FKTN: variants seen among roughly 807,000 people sequenced by gnomAD.
The protein encoded by FKTN is fukutin, also known as ribitol-5-phosphate transferase FKTN.
FKTN carries 47 observed loss-of-function variants against 58.6 expected under a neutral mutation model. That is an observed-to-expected ratio of 0.80 (90% CI 0.63 to 1.02). The LOEUF (loss-of-function observed/expected upper bound fraction) is 1.02. FKTN is among the 50% of genes least tolerant of loss of function. The pLI, the probability that FKTN is intolerant of heterozygous loss-of-function variation, is 0.00. For missense variants in FKTN, 516 were observed against 537.3 expected (o/e 0.96, Z 0.39); for synonymous variants, 178 against 191.9 (o/e 0.93, Z 0.60).
rs1192681498 is a variant in FKTN, at chr9:105,558,148, A to G, written c.-198A>G. 1 of 152,124 alleles carries G rather than the reference A, an allele frequency of 6.6e-6. No homozygotes were observed. Among genetic ancestry groups the G allele is most frequent in the African/African-American group, 2.4e-5 (1 of 41,302 alleles). 9.4% of individuals were successfully genotyped at this position (152,124 alleles called of 1,614,324 possible). The stretch of plus-strand genomic sequence containing the variant: ...GAGTGCCGTAAAGCGGAGCGGCTGC[A>G]GCCTGCTGTTGAGTGAGGTAAGGTA... On this transcript the variant is annotated 5_prime_UTR_variant, in exon 1 of 11. Transcript: ENST00000357998.
Position 105,635,341 on chromosome 9 carries a change from GT to G in FKTN, c.*78del, listed in dbSNP as rs1833957645. ...CTGTTTAAAAAATACATGTCTATTT[GT>G]CAAACATAAGTGGGAACCAAAGAAA... On this transcript the variant is annotated 3_prime_UTR_variant, in exon 11 of 11. Transcript: ENST00000357998. The G allele has an allele frequency of 1.9e-6, 3 of 1,600,004 alleles. No homozygotes were observed. In the Admixed American group the frequency reaches 5.2e-5, roughly 28 times the overall value.
At position 105,575,001 on chromosome 9, in the gene FKTN, T is replaced by C. The variant is rs745881231; in HGVS notation, c.-32T>C. The C allele has an allele frequency of 5.0e-6, 6 of 1,195,864 alleles. No homozygotes were observed. In the African/African-American group the frequency reaches 9.0e-5, roughly 18 times the overall value. The allele number at this position is 1,195,864 out of a possible 1,614,324, so 74.1% of individuals were successfully genotyped here. ...AAAGATGAAAACGACTGAGATACTT[T>C]CAAAAGACAACCAAGTGAGCAGCAC... On this transcript the variant is annotated 5_prime_UTR_variant, in exon 3 of 11. Coordinates refer to ENST00000357998, the MANE Select transcript of FKTN (RefSeq NM_001079802.2).
intron 3 of FKTN, among the ~76,000 whole-genome samples, chr9:105,592,047 C>A (rs1195008549): frequency 1.3e-5 from 2 of 152,228 alleles, no homozygotes; most frequent in Non-Finnish European, 2.9e-5. Context: ...CCAAACTATT[C>A]TTCCCTCCTA....
At position 105,636,532 on chromosome 9, in the gene FKTN, C is replaced by T. The variant is rs1344490753; in HGVS notation, c.*1268C>T. The T allele has an allele frequency of 5.7e-6, 6 of 1,051,910 alleles. No homozygotes were observed. Among genetic ancestry groups the T allele is most frequent in the Non-Finnish European group, 7.0e-6 (6 of 860,846 alleles). The allele number at this position is 1,051,910 out of a possible 1,614,324, so 65.2% of individuals were successfully genotyped here. ...CACACACTCTGGAATGCTTTAGTTT[C>T]CTTTTCCCCTCAAGATGTCTGAGTC... On this transcript the variant is annotated 3_prime_UTR_variant, in exon 11 of 11. Coordinates refer to ENST00000357998, the MANE Select transcript of FKTN (RefSeq NM_001079802.2).
In FKTN at chr9:105,595,854, T is replaced by C. The variant is rs1488321465; in HGVS notation, c.106-744T>C. ...CCATCTATAGCTTATAGATAACGTA[T>C]GCACTCAAGGCATAAGAAACTTATT... On this transcript the variant is annotated intron_variant, in intron 3 of 10. Coordinates refer to ENST00000357998, the MANE Select transcript of FKTN (RefSeq NM_001079802.2). 2.0e-5 allele frequency among the ~76,000 whole-genome samples: 3 copies of C among 152,210 alleles called. No individual in the cohort carries two copies. The East Asian group carries it at 5.8e-4, about 29-fold the overall frequency.
At chr9:105,565,441 G>A (rs878900442) in intron 1 of FKTN, among the ~76,000 whole-genome samples, 3 of 152,048 alleles carry the variant, frequency 2.0e-5, no homozygotes, top group African/African-American at 7.3e-5. Context: ...TCAAAATAAA[G>A]GGATGGAGGA....
chr9:105,582,040 G>A (rs1587938354), intron 3 of FKTN, among the ~76,000 whole-genome samples: 1 of 152,042 alleles, frequency 6.6e-6, no homozygotes, highest in Admixed American at 6.5e-5. Context: ...CACGGTGCGC[G>A]CACCCACTAG....
At position 105,637,585 on chromosome 9, in the gene FKTN, T is replaced by C. The variant is rs1182354467; in HGVS notation, c.*2321T>C. 8.1e-6 allele frequency: 8 copies of C among 985,314 alleles called. No homozygotes were observed. Among genetic ancestry groups the C allele is most frequent in the East Asian group, 1.1e-4 (1 of 8,832 alleles). The allele number at this position is 985,314 out of a possible 1,614,324, so 61.0% of individuals were successfully genotyped here. A position where few individuals can be genotyped will look rare whatever the true frequency, so the allele number is the denominator to read the frequency against. The stretch of plus-strand genomic sequence containing the variant: ...GTCCAGAGACCTTGGGTTAGGTATA[T>C]CCATCTTCAGTACCTCATTGGATCA... On this transcript the variant is annotated 3_prime_UTR_variant, in exon 11 of 11. Coordinates refer to ENST00000357998, the MANE Select transcript of FKTN (RefSeq NM_001079802.2).
chr9:105,604,608 G>A, intron 6 of FKTN, 116 bp downstream of exon 6: 3 of 842,268 alleles, frequency 3.6e-6, no homozygotes, highest in Non-Finnish European at 5.7e-6. Context: ...AGTATTTACA[G>A]TAACATTATT....
At chr9:105,604,747 G>A (rs1204279697) in intron 6 of FKTN, among the ~76,000 whole-genome samples, 1 of 152,058 alleles carries the variant, frequency 6.6e-6, no homozygotes, top group Non-Finnish European at 1.5e-5. Flanking sequence ...CTGAGGTCAG[G>A]AGTTCGAGAC....
intron 7 of FKTN, among the ~76,000 whole-genome samples, chr9:105,615,075 G>A (rs549954746): frequency 6.6e-6 from 1 of 152,188 alleles, no homozygotes; most frequent in East Asian, 1.9e-4. Context: ...GTAGAGATGG[G>A]GTTTTGCCAT....
At chr9:105,588,386 A>G (rs749136184) in intron 3 of FKTN, among the ~76,000 whole-genome samples, 3 of 152,174 alleles carry the variant, frequency 2.0e-5, no homozygotes, top group East Asian at 3.8e-4. Flanking sequence ...TTGACTTTAC[A>G]TGGCATTTCT....
At chr9:105,577,644 C>A (rs973848832) in intron 3 of FKTN, among the ~76,000 whole-genome samples, 9 of 150,302 alleles carry the variant, frequency 6.0e-5, no homozygotes, top group African/African-American at 2.0e-4. Context: ...ATTGACTTGG[C>A]GATGCGGGCT....
chr9:105,596,117 C>T lies in FKTN; in HGVS notation c.106-481C>T, dbSNP rs115620206. Among the ~76,000 whole-genome samples the T allele has an allele frequency of 9.1e-3, 1,380 of 152,208 alleles. 22 individuals are homozygous for T. Among genetic ancestry groups the T allele is most frequent in the African/African-American group, 0.032 (1,322 of 41,540 alleles). Reference sequence around the variant, plus strand: ...AAAACAAATAATAATGTTTACCTTGCAGGATTGTTGTGAGGGATCAATGAG... The same window carrying T: ...AAAACAAATAATAATGTTTACCTTGTAGGATTGTTGTGAGGGATCAATGAG... On this transcript the variant is annotated intron_variant, in intron 3 of 10. Coordinates refer to ENST00000357998, the MANE Select transcript of FKTN (RefSeq NM_001079802.2).
intron 3 of FKTN, among the ~76,000 whole-genome samples, chr9:105,593,076 A>G (rs1439058165): frequency 1.3e-5 from 2 of 152,208 alleles, no homozygotes. Context: ...TGGGTAATTT[A>G]TAAAGGAAAG....
At chr9:105,575,238 C>A in intron 3 of FKTN, 101 bp downstream of exon 3, 1 of 760,392 alleles carries the variant, frequency 1.3e-6, no homozygotes, top group Non-Finnish European at 2.3e-6. Context: ...CATGGGTATT[C>A]AAATTCTTGC....
At chr9:105,569,161 C>T (rs541709937) in intron 1 of FKTN, among the ~76,000 whole-genome samples, 5 of 151,958 alleles carry the variant, frequency 3.3e-5, no homozygotes, top group East Asian at 3.9e-4. Flanking sequence ...AAGGGGGAGG[C>T]GTAGCATTGG....
intron 6 of FKTN, 32 bp from the exon 7 acceptor site, chr9:105,607,787 C>T (rs1197919718): frequency 1.2e-6 from 2 of 1,602,582 alleles, no homozygotes; most frequent in South Asian, 1.1e-5. Context: ...TTCCCCCACC[C>T]CTCATTAATA....
chr9:105,618,642 T>G (rs1230849984), intron 9 of FKTN, among the ~76,000 whole-genome samples: 3 of 152,206 alleles, frequency 2.0e-5, no homozygotes, highest in African/African-American at 7.2e-5. Context: ...CAACTAGGGA[T>G]AGGTCATTGG....
Sources: gnomAD v4.1 joint callset for allele counts (sites outside exome capture counted in the v4.1 genomes callset) on GRCh38, gnomAD v4.1.1 for gene constraint, MANE v1.5 for transcripts, NCBI Gene and HGNC (gene_info 2026-07-23, HGNC 2026-07-21) for gene names.